Variants in SNX2 observed in about 807,000 individuals in gnomAD.
SNX2 encodes the protein sorting nexin-2.
Under a neutral mutation model 69.9 loss-of-function variants are expected in SNX2, and 25 were observed. The observed-to-expected ratio is 0.36, with a 90% CI of 0.26 to 0.50. The LOEUF (loss-of-function observed/expected upper bound fraction) is 0.50. Ranked by LOEUF, SNX2 falls within the 20% of genes least tolerant of loss-of-function variation. SNX2 has a pLI of 0.97. For synonymous variants in SNX2, 229 were observed against 200.4 expected (o/e 1.14, Z -1.20); for missense variants, 551 against 613.3 (o/e 0.90, Z 1.07).
In SNX2 at chr5:122,800,122, AGAT is replaced by A. The variant is rs760997661; in HGVS notation, c.390+271_390+273del. Reference sequence around the variant, plus strand: ...ATTTCCTAGGGTTTCTCTGTTGGTCAGATGATATATAAAAGTGCTTTGAAAACT... The same window carrying A: ...ATTTCCTAGGGTTTCTCTGTTGGTCAGATATATAAAAGTGCTTTGAAAACT... On this transcript the variant is annotated intron_variant, in intron 3 of 14. Coordinates refer to ENST00000379516, the MANE Select transcript of SNX2 (RefSeq NM_003100.4). 1.1e-4 allele frequency among the ~76,000 whole-genome samples: 17 copies of A among 152,336 alleles called. No individual in the cohort carries two copies. In the East Asian group the frequency reaches 3.1e-3, roughly 28 times the overall value.
At position 122,803,566 on chromosome 5, in the gene SNX2, T is replaced by A. The variant is rs904118020; in HGVS notation, c.596T>A (p.Leu199Ter). Residue 199 changes from leucine (L) to a stop codon, truncating the protein, a stop_gained, in exon 6 of 15, where the codon TTA becomes TAA. Transcript: ENST00000379516. LOFTEE classifies it high-confidence loss of function. Reference sequence around the variant, plus strand: ...CACAGCAAATTAGCAAGCAAATATTTACATGTTGGTTATATTGTGCCACCA... The same window carrying A: ...CACAGCAAATTAGCAAGCAAATATTAACATGTTGGTTATATTGTGCCACCA... ...GLHSKLASKYLHVGYIVPPAP... is the reference protein window; with the variant it reads ...GLHSKLASKY 1 of 1,612,032 alleles carries A rather than the reference T, an allele frequency of 6.2e-7. No individual in the cohort carries two copies. Among genetic ancestry groups the A allele is most frequent in the Non-Finnish European group, 8.5e-7 (1 of 1,179,252 alleles).
chr5:122,790,238 C>T (rs1753200434), intron 1 of SNX2, among the ~76,000 whole-genome samples: 1 of 152,188 alleles, frequency 6.6e-6, no homozygotes, highest in Non-Finnish European at 1.5e-5. Flanking sequence ...CCTGCTTCAG[C>T]CTCCCAAGTA....
intron 6 of SNX2, among the ~76,000 whole-genome samples, chr5:122,806,132 A>ACATG (rs1360809798): frequency 0.046 from 2,932 of 63,544 alleles, 156 homozygotes; most frequent in African/African-American, 0.15. Context: ...ATATATATAC[A>ACATG]CACGCGCGCG....
intron 5 of SNX2, 66 bp downstream of exon 5, chr5:122,802,190 A>G (rs531748046): frequency 1.5e-5 from 19 of 1,309,872 alleles, no homozygotes; most frequent in African/African-American, 7.3e-5. Flanking sequence ...GGATATGGCT[A>G]TGATTAAGGT....
chr5:122,782,733 C>T (rs766574030), intron 1 of SNX2, among the ~76,000 whole-genome samples: 2 of 151,810 alleles, frequency 1.3e-5, no homozygotes, highest in South Asian at 2.1e-4. Flanking sequence ...GATAGGGTTT[C>T]GCCATGTTAG....
At chr5:122,815,240 T>C (rs1321918115) in intron 7 of SNX2, among the ~76,000 whole-genome samples, 1 of 152,246 alleles carries the variant, frequency 6.6e-6, no homozygotes, top group African/African-American at 2.4e-5. Context: ...TTATGTGGTA[T>C]TCGTTTATTT....
At chr5:122,801,987 T>C (rs888489786) in intron 4 of SNX2, 52 bp downstream of exon 4, 1 of 1,531,152 alleles carries the variant, frequency 6.5e-7, no homozygotes, top group Non-Finnish European at 9.0e-7. Flanking sequence ...GTTTGTTGGT[T>C]TTGTATGGTT....
At chr5:122,828,832 A>C in intron 14 of SNX2, among the ~76,000 whole-genome samples, 1 of 152,178 alleles carries the variant, frequency 6.6e-6, no homozygotes, top group East Asian at 1.9e-4. Context: ...TAAGAACCAG[A>C]CATTGGCCGG....
intron 6 of SNX2, among the ~76,000 whole-genome samples, chr5:122,806,142 G>GCGCACACACACACACACA: frequency 8.4e-5 from 11 of 130,650 alleles, no homozygotes; most frequent in Non-Finnish European, 1.5e-4. Context: ...ACACGCGCGC[G>GCGCACACACACACACACA]CACACACACA....
intron 1 of SNX2, 168 bp downstream of exon 1, chr5:122,775,379 C>G: frequency 7.5e-7 from 1 of 1,340,410 alleles, no homozygotes; most frequent in Non-Finnish European, 9.6e-7. Flanking sequence ...TGTGCTTGGG[C>G]TGAGCGCAGG....
chr5:122,783,024 C>G (rs752035571), intron 1 of SNX2, among the ~76,000 whole-genome samples: 6 of 151,844 alleles, frequency 4.0e-5, no homozygotes, highest in Non-Finnish European at 8.8e-5. Context: ...GCAACCTCCA[C>G]CTCCCCAGTT....
chr5:122,813,886 G>A lies in SNX2; in HGVS notation c.723-2010G>A, dbSNP rs113878735. Among the ~76,000 whole-genome samples, 3 of 148,092 alleles carry A rather than the reference G, an allele frequency of 2.0e-5. No homozygotes were observed. The East Asian group carries it at 6.1e-4, about 30-fold the overall frequency. ...TCTCCTGGGTTCAAGCAATTCTCCT[G>A]CCTCAGCTTCCTGAGTAGCTGGGAC... On this transcript the variant is annotated intron_variant, in intron 7 of 14. Coordinates refer to ENST00000379516, the MANE Select transcript of SNX2 (RefSeq NM_003100.4).
intron 6 of SNX2, among the ~76,000 whole-genome samples, chr5:122,806,142 G>GCGCACGCGCACACA: frequency 1.4e-4 from 18 of 130,644 alleles, no homozygotes; most frequent in African/African-American, 3.2e-4. Flanking sequence ...ACACGCGCGC[G>GCGCACGCGCACACA]CACACACACA....
In SNX2 at chr5:122,801,902, A is replaced by G. The variant is rs775852555; in HGVS notation, c.424A>G (p.Ile142Val). The change falls in exon 4 of 15, where the codon ATA becomes GTA. Residue 142 changes from isoleucine (I) to valine (V), a missense_variant. Around this residue, in one of 2 missense-constraint regions of SNX2, gnomAD observed 360 missense variants for 450.4 expected, o/e 0.80. Coordinates refer to ENST00000379516, the MANE Select transcript of SNX2 (RefSeq NM_003100.4). ...EEEANGDIFD[I>V]EIGVSDPEKV... is the part of the protein sequence containing the mutation. ...AGAAGCAAATGGAGACATTTTTGAC[A>G]TAGAAATTGGTGTATCAGATCCAGA... is the stretch of plus-strand genomic sequence containing the variant. 2 of 1,602,720 alleles carry G rather than the reference A, an allele frequency of 1.2e-6. No individual in the cohort carries two copies. The highest frequency in any genetic ancestry group is 1.7e-6 in the Non-Finnish European group (2 of 1,171,982).
chr5:122,778,200 C>G (rs1752896749), intron 1 of SNX2, among the ~76,000 whole-genome samples: 1 of 152,214 alleles, frequency 6.6e-6, no homozygotes, highest in Admixed American at 6.5e-5. Context: ...ATATATACCA[C>G]ATGCTCTTGA....
chr5:122,775,591 C>T (rs950248128), intron 1 of SNX2: 1 of 993,478 alleles, frequency 1.0e-6, no homozygotes. Flanking sequence ...AAGGGGTGCT[C>T]GCTTTTCCTT....
At chr5:122,780,897 T>C (rs1421421340) in intron 1 of SNX2, among the ~76,000 whole-genome samples, 1 of 152,174 alleles carries the variant, frequency 6.6e-6, no homozygotes, top group Non-Finnish European at 1.5e-5. Context: ...TTCTAATCCT[T>C]GGGCCTCCAA....
chr5:122,776,343 C>A, intron 1 of SNX2, among the ~76,000 whole-genome samples: 1 of 152,054 alleles, frequency 6.6e-6, no homozygotes, highest in Admixed American at 6.6e-5. Flanking sequence ...ACCCAAACCC[C>A]ACCTCCCCTC....
upstream of SNX2, chr5:122,775,006 G>A: frequency 6.6e-6 from 8 of 1,221,222 alleles, no homozygotes; most frequent in Non-Finnish European, 8.5e-6. Flanking sequence ...AGGCCGGCCG[G>A]GGGCGGGGAG....
Sources: gnomAD v4.1 joint callset for allele counts (sites outside exome capture counted in the v4.1 genomes callset) on GRCh38, gnomAD v4.1.1 for gene constraint, gnomAD v4.1.1 regional missense constraint, MANE v1.5 for transcripts, NCBI Gene and HGNC (gene_info 2026-07-23, HGNC 2026-07-21) for gene names.